The following TEAD4 variants were observed in gnomAD, a reference collection of about 807,000 sequenced individuals.
TEAD4 encodes transcriptional enhancer factor TEF-3.
In TEAD4, 36 loss-of-function variants were observed where a neutral mutation model predicts 52.4. The ratio of observed to expected loss-of-function variants is 0.69; its 90% confidence interval spans 0.53 to 0.91. The LOEUF (loss-of-function observed/expected upper bound fraction) is 0.91. Ranked by LOEUF, TEAD4 falls within the 40% of genes least tolerant of loss-of-function variation. The pLI is 0.00. For synonymous variants in TEAD4, 220 were observed against 231.0 expected, an observed-to-expected ratio of 0.95 and a Z score of 0.43; for missense variants, 508 against 583.9, an observed-to-expected ratio of 0.87 and a Z score of 1.34.
intron 2 of TEAD4, among the ~76,000 whole-genome samples, chr12:2,992,228 A>G (rs1047775814): frequency 6.6e-6 from 1 of 151,808 alleles, no homozygotes. Flanking sequence ...CATGTTGGCC[A>G]GGGTGGTCTC....
intron 10 of TEAD4, among the ~76,000 whole-genome samples, chr12:3,036,992 G>A (rs2098279820): frequency 1.3e-5 from 2 of 152,130 alleles, no homozygotes; most frequent in African/African-American, 4.8e-5. Context: ...GGATAAAACC[G>A]AGGCCGTGGT....
chr12:3,035,993 C>A (rs992878792), intron 10 of TEAD4, among the ~76,000 whole-genome samples: 1 of 152,086 alleles, frequency 6.6e-6, no homozygotes, highest in Non-Finnish European at 1.5e-5. Flanking sequence ...GGCACCCTGC[C>A]TACAATGTGT....
chr12:2,982,633 C>T (rs753711626), intron 2 of TEAD4, among the ~76,000 whole-genome samples: 2 of 152,148 alleles, frequency 1.3e-5, no homozygotes, highest in South Asian at 2.1e-4. Context: ...ATGTGGGCCG[C>T]GGGCAGATAG....
intron 3 of TEAD4, among the ~76,000 whole-genome samples, chr12:3,009,925 G>C (rs999148923): frequency 1.1e-4 from 16 of 152,186 alleles, no homozygotes; most frequent in Admixed American, 1.0e-3. Flanking sequence ...GTGCACTCTG[G>C]TTACAACCCA....
intron 10 of TEAD4, among the ~76,000 whole-genome samples, chr12:3,025,681 C>T (rs911264221): frequency 1.3e-5 from 2 of 152,140 alleles, no homozygotes; most frequent in Admixed American, 6.6e-5. Context: ...GGATTACAGT[C>T]GTGTGCCACC....
At chr12:2,996,794 C>A (rs889055284) in intron 3 of TEAD4, among the ~76,000 whole-genome samples, 2 of 152,146 alleles carry the variant, frequency 1.3e-5, no homozygotes, top group Non-Finnish European at 2.9e-5. Context: ...CGGCTCACTG[C>A]AGCCTCCGCC....
chr12:2,976,851 T>A (rs771853740), intron 2 of TEAD4, among the ~76,000 whole-genome samples: 11 of 152,126 alleles, frequency 7.2e-5, no homozygotes, highest in Non-Finnish European at 1.5e-4. Context: ...GCCTGCAGCA[T>A]TTAGGAATCT....
At chr12:2,965,527 C>T (rs1402860812) in intron 2 of TEAD4, among the ~76,000 whole-genome samples, 1 of 151,910 alleles carries the variant, frequency 6.6e-6, no homozygotes, top group Non-Finnish European at 1.5e-5. Flanking sequence ...TTTCTTAAAC[C>T]CTAGTGTTAT....
Position 3,038,068 on chromosome 12 carries a change from AG to A in TEAD4, c.1000del (p.Val334SerfsTer37). ...AACATGATCATCACCTGCTCCACGA[AG>A]GTCTGCTCTTTCGGCAAGCAGGTGG... On this transcript the variant is annotated frameshift_variant, in exon 11 of 13. Transcript: ENST00000359864. LOFTEE classifies it high-confidence loss of function. The A allele has an allele frequency of 6.2e-7, 1 of 1,613,734 alleles. No homozygotes were observed.
intron 5 of TEAD4, among the ~76,000 whole-genome samples, chr12:3,013,109 A>G (rs2098261685): frequency 1.3e-5 from 2 of 152,166 alleles, no homozygotes; most frequent in East Asian, 1.9e-4. Flanking sequence ...GTGCCACTGC[A>G]CGGCCATTTT....
At chr12:2,964,643 T>G (rs1288820473) in intron 2 of TEAD4, among the ~76,000 whole-genome samples, 1 of 113,802 alleles carries the variant, frequency 8.8e-6, no homozygotes, top group Non-Finnish European at 1.9e-5. Context: ...TTTTTTTTTT[T>G]GTATTTTTAA....
intron 10 of TEAD4, among the ~76,000 whole-genome samples, chr12:3,025,344 C>A (rs1021300568): frequency 2.6e-5 from 4 of 152,200 alleles, no homozygotes; most frequent in Non-Finnish European, 5.9e-5. Context: ...ATTGGTATAA[C>A]CCCTTCATTT....
At chr12:3,010,098 T>G (rs2098259090) in intron 3 of TEAD4, among the ~76,000 whole-genome samples, 8 of 152,146 alleles carry the variant, frequency 5.3e-5, no homozygotes, top group Non-Finnish European at 1.0e-4. Flanking sequence ...ATCCGATGCT[T>G]CTCCGTATGG....
chr12:3,024,447 G>A (rs2098270781), intron 10 of TEAD4, among the ~76,000 whole-genome samples: 1 of 152,158 alleles, frequency 6.6e-6, no homozygotes, highest in African/African-American at 2.4e-5. Flanking sequence ...CCCAACGTGG[G>A]CAGATTACTT....
chr12:3,032,052 G>A (rs2098275916), intron 10 of TEAD4, among the ~76,000 whole-genome samples: 1 of 152,246 alleles, frequency 6.6e-6, no homozygotes, highest in Non-Finnish European at 1.5e-5. Context: ...TGTAGAGCCA[G>A]CCCCTTGGGC....
chr12:3,013,115 A>T (rs977991839), intron 5 of TEAD4, among the ~76,000 whole-genome samples: 1 of 151,642 alleles, frequency 6.6e-6, no homozygotes, highest in Non-Finnish European at 1.5e-5. Flanking sequence ...CTGCACGGCC[A>T]TTTTTTTCTA....
intron 2 of TEAD4, among the ~76,000 whole-genome samples, chr12:2,982,064 G>A (rs1036214897): frequency 6.6e-6 from 1 of 152,130 alleles, no homozygotes; most frequent in African/African-American, 2.4e-5. Flanking sequence ...ACTAGGGAGA[G>A]GACGTCAGGT....
intron 2 of TEAD4, among the ~76,000 whole-genome samples, chr12:2,988,508 C>CA (rs35233597): frequency 0.16 from 21,089 of 131,076 alleles, 1,796 homozygotes; most frequent in Admixed American, 0.26. Context: ...AAAAAAAGCT[C>CA]AAAAAAAAAA....
intron 2 of TEAD4, among the ~76,000 whole-genome samples, chr12:2,977,286 G>A (rs528657018): frequency 5.3e-5 from 8 of 151,922 alleles, no homozygotes; most frequent in African/African-American, 9.7e-5. Flanking sequence ...TGCCCCAGGC[G>A]TCTCTCTCTC....
Sources: gnomAD v4.1 joint callset for allele counts (sites outside exome capture counted in the v4.1 genomes callset) on GRCh38, gnomAD v4.1.1 for gene constraint, MANE v1.5 for transcripts, NCBI Gene and HGNC (gene_info 2026-07-23, HGNC 2026-07-21) for gene names.